Variants in PPP2R5E observed in about 807,000 individuals in gnomAD.
PPP2R5E encodes protein phosphatase 2 regulatory subunit B'epsilon.
PPP2R5E carries 4 observed loss-of-function variants against 65.3 expected under a neutral mutation model. The observed-to-expected ratio is 0.06, with a 90% confidence interval of 0.03 to 0.14. The LOEUF (loss-of-function observed/expected upper bound fraction) is 0.14. Among genes scored for constraint, PPP2R5E ranks in the 10% least tolerant of loss-of-function variants. The pLI is 1.00. For missense variants in PPP2R5E, 274 were observed against 556.1 expected (o/e 0.49, Z 5.10); for synonymous variants, 183 against 187.4 (o/e 0.98, Z 0.19).
intron 10 of PPP2R5E, 128 bp downstream of exon 10, chr14:63,391,689 C>T: frequency 3.0e-6 from 3 of 1,002,030 alleles, no homozygotes; most frequent in Non-Finnish European, 4.4e-6. Flanking sequence ...TCCCAAAGTG[C>T]TGGGATTACA....
At chr14:63,467,231 C>A (rs61362968) in intron 2 of PPP2R5E, among the ~76,000 whole-genome samples, 17,375 of 105,794 alleles carry the variant, frequency 0.16, 2,483 homozygotes, top group African/African-American at 0.4. Context: ...TCAAAAAAAA[C>A]AAACAAACAA....
At chr14:63,474,077 G>A (rs921845741) in intron 2 of PPP2R5E, among the ~76,000 whole-genome samples, 5 of 152,150 alleles carry the variant, frequency 3.3e-5, no homozygotes, top group South Asian at 2.1e-4. Context: ...TAAGAAACAG[G>A]GACACCAGTT....
intron 1 of PPP2R5E, among the ~76,000 whole-genome samples, chr14:63,542,486 C>T (rs375737845): frequency 6.6e-6 from 1 of 152,190 alleles, no homozygotes. Context: ...CACACCAAAC[C>T]CCTCTTTATT....
At chr14:63,471,310 A>G (rs962787202) in intron 2 of PPP2R5E, among the ~76,000 whole-genome samples, 1 of 152,208 alleles carries the variant, frequency 6.6e-6, no homozygotes, top group Non-Finnish European at 1.5e-5. Context: ...TCTCCTACAG[A>G]CAATACACTC....
At chr14:63,512,528 G>A (rs900260585) in intron 2 of PPP2R5E, among the ~76,000 whole-genome samples, 4 of 152,012 alleles carry the variant, frequency 2.6e-5, no homozygotes, top group Non-Finnish European at 5.9e-5. Flanking sequence ...TCTATTAATT[G>A]GAAAGGCAGA....
At chr14:63,446,237 C>T (rs1441014354) in intron 3 of PPP2R5E, among the ~76,000 whole-genome samples, 1 of 152,184 alleles carries the variant, frequency 6.6e-6, no homozygotes, top group Admixed American at 6.5e-5. Context: ...CAGCTACTCT[C>T]TCTATTGAAG....
intron 2 of PPP2R5E, among the ~76,000 whole-genome samples, chr14:63,538,079 C>CGA (rs918024560): frequency 6.6e-6 from 1 of 152,022 alleles, no homozygotes; most frequent in Non-Finnish European, 1.5e-5. Flanking sequence ...CATGGCAATT[C>CGA]GAGACCAGCC....
At chr14:63,522,143 G>A (rs1365506240) in intron 2 of PPP2R5E, among the ~76,000 whole-genome samples, 2 of 152,038 alleles carry the variant, frequency 1.3e-5, no homozygotes, top group African/African-American at 4.8e-5. Flanking sequence ...ACGGGGTTTC[G>A]CTGTGTTGGC....
intron 2 of PPP2R5E, among the ~76,000 whole-genome samples, chr14:63,537,978 T>C (rs1893740201): frequency 6.6e-6 from 1 of 152,156 alleles, no homozygotes; most frequent in Admixed American, 6.5e-5. Flanking sequence ...CAAACAAAAG[T>C]TGAAATGCCT....
At chr14:63,381,178 G>A (rs1051794241) in intron 13 of PPP2R5E, among the ~76,000 whole-genome samples, 1 of 152,210 alleles carries the variant, frequency 6.6e-6, no homozygotes, top group Non-Finnish European at 1.5e-5. Context: ...TAAGCCATAA[G>A]CATTTATTGC....
intron 2 of PPP2R5E, among the ~76,000 whole-genome samples, chr14:63,483,718 T>C (rs930999484): frequency 3.9e-5 from 6 of 152,026 alleles, no homozygotes; most frequent in South Asian, 2.1e-4. Context: ...CAGAGACGTA[T>C]TGACATTCCC....
At chr14:63,379,068 G>A (rs1427764178) in intron 13 of PPP2R5E, among the ~76,000 whole-genome samples, 3 of 148,282 alleles carry the variant, frequency 2.0e-5, no homozygotes, top group Admixed American at 6.8e-5. Context: ...TCGCTCTGTC[G>A]CCCAGGCTGG....
Position 63,441,678 on chromosome 14 carries a change from G to A in PPP2R5E, c.354+12011C>T, listed in dbSNP as rs112724781. 3.6e-3 allele frequency among the ~76,000 whole-genome samples: 553 copies of A among 152,280 alleles called. 2 individuals are homozygous for A. The highest frequency in any genetic ancestry group is 0.012 in the African/African-American group (501 of 41,556). ...TGTAATCCCAGCACTTTGGGAGGCC[G>A]AGGCGGGCAGATCATGAGGTCAGGA... On this transcript the variant is annotated intron_variant, in intron 3 of 13. Coordinates refer to ENST00000337537, the MANE Select transcript of PPP2R5E (RefSeq NM_006246.5).
At chr14:63,522,745 C>T (rs1447682782) in intron 2 of PPP2R5E, among the ~76,000 whole-genome samples, 85 of 151,088 alleles carry the variant, frequency 5.6e-4, no homozygotes, top group Non-Finnish European at 9.5e-4. Flanking sequence ...CCCCTCCGCC[C>T]GGAAGCCGCC....
intron 2 of PPP2R5E, among the ~76,000 whole-genome samples, chr14:63,472,573 G>C (rs1248220146): frequency 6.6e-6 from 1 of 152,238 alleles, no homozygotes; most frequent in Non-Finnish European, 1.5e-5. Context: ...CACCAGCACA[G>C]CCTAAGGTCA....
chr14:63,421,860 A>G, intron 4 of PPP2R5E, 133 bp downstream of exon 4: 2 of 675,742 alleles, frequency 3.0e-6, no homozygotes, highest in Non-Finnish European at 2.5e-6. Flanking sequence ...AAACATAAAA[A>G]ACATTCTCTA....
At chr14:63,474,360 G>A (rs1190596657) in intron 2 of PPP2R5E, among the ~76,000 whole-genome samples, 5 of 152,162 alleles carry the variant, frequency 3.3e-5, no homozygotes, top group Non-Finnish European at 7.3e-5. Flanking sequence ...GAACAGAGGA[G>A]TCAGCAAGTA....
At chr14:63,472,567 A>G (rs1293200372) in intron 2 of PPP2R5E, among the ~76,000 whole-genome samples, 2 of 152,236 alleles carry the variant, frequency 1.3e-5, no homozygotes, top group African/African-American at 4.8e-5. Flanking sequence ...TATTATCACC[A>G]GCACAGCCTA....
intron 2 of PPP2R5E, among the ~76,000 whole-genome samples, chr14:63,470,739 C>T (rs911028882): frequency 3.9e-5 from 5 of 129,548 alleles, no homozygotes; most frequent in Non-Finnish European, 6.3e-5. Context: ...AAAAAAAAAA[C>T]GTGGCTGAGC....
Sources: gnomAD v4.1 joint callset for allele counts (sites outside exome capture counted in the v4.1 genomes callset) on GRCh38, gnomAD v4.1.1 for gene constraint, MANE v1.5 for transcripts, NCBI Gene and HGNC (gene_info 2026-07-23, HGNC 2026-07-21) for gene names.